QKI: variants seen among roughly 807,000 people sequenced by gnomAD.
The protein encoded by QKI is QKI, KH domain containing RNA binding, also known as KH domain-containing RNA-binding protein QKI.
In QKI, 10 loss-of-function variants were observed where a neutral mutation model predicts 39.0. That is an observed-to-expected ratio of 0.26 (90% CI 0.16 to 0.43). The LOEUF (loss-of-function observed/expected upper bound fraction) is 0.43. QKI is among the 20% of genes least tolerant of loss of function. QKI has a pLI of 1.00. For synonymous variants in QKI, 204 were observed against 155.4 expected, an observed-to-expected ratio of 1.31 and a Z score of -2.33; for missense variants, 218 against 428.0, an observed-to-expected ratio of 0.51 and a Z score of 4.33.
intron 3 of QKI, among the ~76,000 whole-genome samples, chr6:163,484,916 T>A (rs1372521174): frequency 6.6e-6 from 1 of 152,146 alleles, no homozygotes; most frequent in East Asian, 1.9e-4. Flanking sequence ...GCCACAAGAT[T>A]TGTTTGATGC....
rs60899517 is a variant in QKI, at chr6:163,436,789, CAAAAAAAAAAA to C, written c.143-18476_143-18466del. ...TGGGCGACAGAGCGAGACTCCGTCT[CAAAAAAAAAAA>C]AAAAAAAAAAAAAGGGAAGAAGAAA... On this transcript the variant is annotated intron_variant, in intron 1 of 7. Coordinates refer to ENST00000361752, the MANE Select transcript of QKI (RefSeq NM_006775.3). Among the ~76,000 whole-genome samples, 479 of 89,440 alleles carry C rather than the reference CAAAAAAAAAAA, an allele frequency of 5.4e-3. 6 individuals carry two copies. Among genetic ancestry groups the C allele is most frequent in the African/African-American group, 0.02 (450 of 22,598 alleles). 58.7% of individuals were successfully genotyped at this position (89,440 alleles called of 152,430 possible). A position where few individuals can be genotyped will look rare whatever the true frequency, so the allele number is the denominator to read the frequency against.
At chr6:163,424,243 C>A (rs538498285) in intron 1 of QKI, among the ~76,000 whole-genome samples, 2 of 152,070 alleles carry the variant, frequency 1.3e-5, no homozygotes, top group African/African-American at 4.8e-5. Context: ...ACCCTGAAAC[C>A]GCATCTAATT....
intron 2 of QKI, among the ~76,000 whole-genome samples, chr6:163,472,329 A>G (rs1792266954): frequency 6.6e-6 from 1 of 152,174 alleles, no homozygotes; most frequent in African/African-American, 2.4e-5. Context: ...TGGTCTTTAC[A>G]TGGAGTAGGC....
At chr6:163,418,748 T>TA (rs1209491192) in intron 1 of QKI, among the ~76,000 whole-genome samples, 2 of 152,102 alleles carry the variant, frequency 1.3e-5, no homozygotes, top group Non-Finnish European at 2.9e-5. Flanking sequence ...ATATGGTTTT[T>TA]AAAAAAACAG....
intron 3 of QKI, among the ~76,000 whole-genome samples, chr6:163,498,265 A>G (rs894863046): frequency 6.6e-6 from 1 of 151,448 alleles, no homozygotes; most frequent in African/African-American, 2.4e-5. Context: ...ACAAATTTGC[A>G]CAATTGTACA....
chr6:163,447,322 C>T (rs1477158914), intron 1 of QKI, among the ~76,000 whole-genome samples: 1 of 145,250 alleles, frequency 6.9e-6, no homozygotes, highest in African/African-American at 2.6e-5. Context: ...AGGTCTCCAT[C>T]ACCTTGAGTA....
intron 1 of QKI, among the ~76,000 whole-genome samples, chr6:163,426,716 C>CGGA (rs1788433326): frequency 1.3e-5 from 2 of 152,128 alleles, no homozygotes; most frequent in African/African-American, 4.8e-5. Flanking sequence ...GACCCCAACA[C>CGGA]GGAAATACAT....
chr6:163,513,065 CTA>C (rs945422260), intron 3 of QKI, among the ~76,000 whole-genome samples: 15 of 152,204 alleles, frequency 9.9e-5, no homozygotes, highest in African/African-American at 3.6e-4. Flanking sequence ...TTGTTATACT[CTA>C]TTTTATTGTT....
At chr6:163,436,418 T>C (rs2128212972) in intron 1 of QKI, among the ~76,000 whole-genome samples, 1 of 152,194 alleles carries the variant, frequency 6.6e-6, no homozygotes, top group Admixed American at 6.5e-5. Context: ...TTAAAGCAAG[T>C]ATGAGAGCTT....
intron 3 of QKI, among the ~76,000 whole-genome samples, chr6:163,500,868 T>G (rs932667671): frequency 7.2e-5 from 11 of 152,018 alleles, no homozygotes; most frequent in Non-Finnish European, 1.6e-4. Flanking sequence ...CCATATTAGG[T>G]TTTCAAGCCA....
chr6:163,477,059 A>C (rs1323036153), intron 2 of QKI, among the ~76,000 whole-genome samples: 3 of 140,714 alleles, frequency 2.1e-5, no homozygotes, highest in African/African-American at 8.0e-5. Context: ...TTTATTGCCC[A>C]GGCTGTAGTG....
At chr6:163,467,267 T>C (rs1232299887) in intron 2 of QKI, among the ~76,000 whole-genome samples, 1 of 152,222 alleles carries the variant, frequency 6.6e-6, no homozygotes, top group East Asian at 1.9e-4. Context: ...TACCTTGTAT[T>C]AAATCATCAC....
chr6:163,495,994 T>A (rs1778382480), intron 3 of QKI, among the ~76,000 whole-genome samples: 1 of 152,248 alleles, frequency 6.6e-6, no homozygotes, highest in Non-Finnish European at 1.5e-5. Flanking sequence ...GTAAATATTC[T>A]TTCCTAACAA....
intron 6 of QKI, chr6:163,566,035 G>A: frequency 6.3e-7 from 1 of 1,588,784 alleles, no homozygotes; most frequent in Non-Finnish European, 8.6e-7. Context: ...CTTAGTCTCA[G>A]CAGCCTCCGG....
chr6:163,489,950 A>G (rs1215446492), intron 3 of QKI, among the ~76,000 whole-genome samples: 1 of 152,102 alleles, frequency 6.6e-6, no homozygotes, highest in Non-Finnish European at 1.5e-5. Context: ...CCATCAAACC[A>G]TATATATCTC....
intron 1 of QKI, among the ~76,000 whole-genome samples, chr6:163,421,871 A>G (rs1293149131): frequency 6.6e-6 from 1 of 151,518 alleles, no homozygotes; most frequent in Non-Finnish European, 1.5e-5. Context: ...CAGCCTCCCG[A>G]GTAGCTGGGA....
At chr6:163,415,944 T>G (rs1390135121) in intron 1 of QKI, 1 of 509,496 alleles carries the variant, frequency 2.0e-6, no homozygotes, top group African/African-American at 1.9e-5. Context: ...GAGACCGAAA[T>G]TATGCTGGCG....
At chr6:163,478,657 T>A in intron 2 of QKI, 123 bp from the exon 3 acceptor site, 1 of 665,080 alleles carries the variant, frequency 1.5e-6, no homozygotes. Flanking sequence ...CTAGATTTTA[T>A]TTCAACTTAG....
At chr6:163,497,595 A>C (rs947035363) in intron 3 of QKI, among the ~76,000 whole-genome samples, 2 of 151,768 alleles carry the variant, frequency 1.3e-5, no homozygotes, top group African/African-American at 4.8e-5. Context: ...TGCTATATTT[A>C]TTACCTAATG....
Sources: allele counts gnomAD v4.1 joint callset (sites outside exome capture counted in the v4.1 genomes callset), GRCh38; gene constraint gnomAD v4.1.1; transcripts MANE v1.5; gene names NCBI Gene and HGNC (gene_info 2026-07-23, HGNC 2026-07-21).